The following DSTYK variants were observed in gnomAD, a reference collection of about 807,000 sequenced individuals.
DSTYK encodes the protein dual serine/threonine and tyrosine protein kinase.
In DSTYK, 34 loss-of-function variants were observed where a neutral mutation model predicts 98.7. The ratio of observed to expected loss-of-function variants is 0.34; its 90% CI spans 0.26 to 0.46. DSTYK has a LOEUF of 0.46. Ranked by LOEUF, DSTYK falls within the 20% of genes least tolerant of loss-of-function variation. The pLI is 1.00. For missense variants in DSTYK, 962 were observed against 1,181.7 expected, an observed-to-expected ratio of 0.81 and a Z score of 2.73; for synonymous variants, 462 against 457.3, an observed-to-expected ratio of 1.01 and a Z score of -0.13.
rs771282186 is a variant in DSTYK, at chr1:205,169,301, T to C, written c.1186A>G (p.Lys396Glu). 3.7e-6 allele frequency: 6 copies of C among 1,614,094 alleles called. No homozygotes were observed. The highest frequency in any genetic ancestry group is 1.6e-4 in the Middle Eastern group (1 of 6,084). Residue 396 changes from lysine (K) to glutamate (E), a missense_variant, in exon 3 of 13, where the codon AAA becomes GAA. By Grantham distance (56) the Lys-to-Glu change is moderately conservative. Around this residue, in one of 4 missense-constraint regions of DSTYK, gnomAD observed 660 missense variants for 855.0 expected, o/e 0.77. Coordinates refer to ENST00000367162, the MANE Select transcript of DSTYK (RefSeq NM_015375.3). This position sits in a 1 kb window ranked among gnomAD's most constrained non-coding sequence, Gnocchi z 4.0. Reference sequence around the variant, plus strand: ...GATTCATACAACTCATTCTCCTTTTTTCGAGTATATTCCAGACGTTTGGGA... The same window carrying C: ...GATTCATACAACTCATTCTCCTTTTCTCGAGTATATTCCAGACGTTTGGGA... ...ITPKRLEYTR[K>E]KENELYESLM...
At chr1:205,171,717 A>G (rs1658071360) in intron 2 of DSTYK, among the ~76,000 whole-genome samples, 1 of 152,090 alleles carries the variant, frequency 6.6e-6, no homozygotes, top group Non-Finnish European at 1.5e-5. Context: ...ATATATTACC[A>G]CTGTAGGTAC....
In DSTYK at chr1:205,187,775, C is replaced by T. The variant is rs1281458698; in HGVS notation, c.297G>A (p.Lys99=). 4 of 1,613,640 alleles carry T rather than the reference C, an allele frequency of 2.5e-6. No individual in the cohort carries two copies. The highest frequency in any genetic ancestry group is 4.5e-5 in the East Asian group (2 of 44,884). ...GQLSCISFPP[K]EEKYLQQIVD... Reference sequence around the variant, plus strand: ...CAATCTGCTGGAGGTACTTCTCTTCCTTAGGTGGGAAGGAAATGCAGCTCA... The same window carrying T: ...CAATCTGCTGGAGGTACTTCTCTTCTTTAGGTGGGAAGGAAATGCAGCTCA... The change falls in exon 2 of 13, where the codon AAG becomes AAA. Residue 99 remains lysine (K), a synonymous_variant. Transcript: ENST00000367162.
chr1:205,165,747 T>C (rs569736265), intron 3 of DSTYK, among the ~76,000 whole-genome samples: 1 of 152,326 alleles, frequency 6.6e-6, no homozygotes, highest in Admixed American at 6.5e-5. Context: ...TGTACAATGA[T>C]GATTAATGCA....
intron 2 of DSTYK, among the ~76,000 whole-genome samples, chr1:205,172,107 C>T (rs953665979): frequency 2.6e-5 from 4 of 152,186 alleles, no homozygotes; most frequent in African/African-American, 7.2e-5. Flanking sequence ...CAGGCACGCA[C>T]CACCACGCCC....
intron 1 of DSTYK, among the ~76,000 whole-genome samples, chr1:205,191,233 GCT>G (rs1658704643): frequency 3.3e-5 from 5 of 152,184 alleles, no homozygotes. Context: ...CACTATCCAA[GCT>G]CTTTGCTTCT....
chr1:205,162,069 A>C lies in DSTYK; in HGVS notation c.1785T>G (p.Ser595Arg). 6.2e-7 allele frequency: 1 copy of C among 1,614,086 alleles called. No homozygotes were observed. Among genetic ancestry groups the C allele is most frequent in the African/African-American group, 1.3e-5 (1 of 75,048 alleles). Reference sequence around the variant, plus strand: ...AGGAGGCTGCAAAAGCCTCGTGGGAACTATTGAGCCGAGTCCGGAATTGGC... The same window carrying C: ...AGGAGGCTGCAAAAGCCTCGTGGGACCTATTGAGCCGAGTCCGGAATTGGC... ...ICSQFRTRLN[S>R]SHEAFAASLR... The change falls in exon 6 of 13, where the codon AGT becomes AGG. Residue 595 changes from serine (S) to arginine (R), a missense_variant. Transcript: ENST00000367162.
chr1:205,145,973 A>C lies in DSTYK; in HGVS notation c.*1585T>G, dbSNP rs1207251113. On this transcript the variant is annotated 3_prime_UTR_variant, in exon 13 of 13. Transcript: ENST00000367162. ...CTTTCCTCAAGCACACTTCATGAGG[A>C]ACCCTCCAAAAGACCACCCACCCGC... The C allele has an allele frequency of 6.6e-6, 1 of 152,090 alleles. No individual in the cohort carries two copies. The highest frequency in any genetic ancestry group is 6.6e-5 in the Admixed American group (1 of 15,266). The allele number at this position is 152,090 out of a possible 1,614,324, so 9.4% of individuals were successfully genotyped here. A position where few individuals can be genotyped will look rare whatever the true frequency, so the allele number is the denominator to read the frequency against.
In DSTYK at chr1:205,163,906, T is replaced by C. The variant is rs780304861; in HGVS notation, c.1374A>G (p.Lys458=). 6.8e-6 allele frequency: 11 copies of C among 1,614,168 alleles called. No individual in the cohort carries two copies. In the Admixed American group the frequency reaches 1.8e-4, roughly 27 times the overall value. ...NGEPVGTREI[K]CCIRQIQELI... Reference sequence around the variant, plus strand: ...GTTCCTGGATCTGTCGGATGCAGCATTTGATCTCTCTGGTGCCTACTGGTT... The same window carrying C: ...GTTCCTGGATCTGTCGGATGCAGCACTTGATCTCTCTGGTGCCTACTGGTT... The change falls in exon 4 of 13, where the codon AAA becomes AAG. Residue 458 remains lysine (K), a synonymous_variant. Transcript: ENST00000367162.
intron 2 of DSTYK, among the ~76,000 whole-genome samples, chr1:205,172,301 GTTT>G (rs111451734): frequency 1.4e-5 from 2 of 140,746 alleles, no homozygotes. Context: ...TTTGTTTGTG[GTTT>G]TTTTTTTTTT....
At chr1:205,177,036 T>C (rs1363311622) in intron 2 of DSTYK, among the ~76,000 whole-genome samples, 2 of 151,466 alleles carry the variant, frequency 1.3e-5, no homozygotes, top group East Asian at 3.9e-4. Context: ...CGAGACTCCA[T>C]CTCTACAAAA....
In DSTYK at chr1:205,146,259, T is replaced by G. The variant is rs908071681; in HGVS notation, c.*1299A>C. The stretch of plus-strand genomic sequence containing the variant: ...GTGTTAAGTTTTAAAAACAAGCTGG[T>G]TTTCTTCCAGTATGTTTGTACATAG... On this transcript the variant is annotated 3_prime_UTR_variant, in exon 13 of 13. Coordinates refer to ENST00000367162, the MANE Select transcript of DSTYK (RefSeq NM_015375.3). 3.9e-5 allele frequency: 6 copies of G among 152,124 alleles called. No individual in the cohort carries two copies. The highest frequency in any genetic ancestry group is 8.8e-5 in the Non-Finnish European group (6 of 68,034). The allele number at this position is 152,124 out of a possible 1,614,324, so 9.4% of individuals were successfully genotyped here. A position where few individuals can be genotyped will look rare whatever the true frequency, so the allele number is the denominator to read the frequency against.
chr1:205,155,828 C>T (rs1657542654), intron 10 of DSTYK, among the ~76,000 whole-genome samples: 1 of 152,206 alleles, frequency 6.6e-6, no homozygotes, highest in Admixed American at 6.5e-5. Context: ...AGCAGCCCCT[C>T]CTATGACAGG....
In DSTYK at chr1:205,169,469, G is replaced by A. The variant is rs1657987496; in HGVS notation, c.1018C>T (p.Leu340=). ...TGAGAAAATGTGCTCAAGTGTCTCAGCTTTTCACTCTGTTCCACCAACATG... is the reference window on the plus strand; with the variant it reads ...TGAGAAAATGTGCTCAAGTGTCTCAACTTTTCACTCTGTTCCACCAACATG... ...QSMLVEQSEK[L]RHLSTFSHQV... The change falls in exon 3 of 13, where the codon CTG becomes TTG. Residue 340 remains leucine (L), a synonymous_variant. Coordinates refer to ENST00000367162, the MANE Select transcript of DSTYK (RefSeq NM_015375.3). The surrounding 1 kb of genome is among the most constrained non-coding windows in gnomAD (Gnocchi z 4.0). 1 of 1,614,154 alleles carries A rather than the reference G, an allele frequency of 6.2e-7. No homozygotes were observed. The highest frequency in any genetic ancestry group is 8.5e-7 in the Non-Finnish European group (1 of 1,180,034).
At chr1:205,178,605 C>T (rs1658302673) in intron 2 of DSTYK, among the ~76,000 whole-genome samples, 1 of 152,116 alleles carries the variant, frequency 6.6e-6, no homozygotes, top group African/African-American at 2.4e-5. Context: ...AACGTTCTCT[C>T]TAATAAGAGT....
At chr1:205,184,801 T>C (rs999678227) in intron 2 of DSTYK, among the ~76,000 whole-genome samples, 1 of 151,918 alleles carries the variant, frequency 6.6e-6, no homozygotes, top group Non-Finnish European at 1.5e-5. Flanking sequence ...CCCAGGCTGG[T>C]GTTGAACATT....
intron 1 of DSTYK, among the ~76,000 whole-genome samples, chr1:205,200,406 G>A (rs970075631): frequency 2.6e-5 from 4 of 151,858 alleles, no homozygotes; most frequent in South Asian, 4.2e-4. Context: ...ACTCCTCACC[G>A]CAGGTGATCT....
At chr1:205,207,241 G>C (rs1414297490) in intron 1 of DSTYK, among the ~76,000 whole-genome samples, 1 of 151,482 alleles carries the variant, frequency 6.6e-6, no homozygotes. Context: ...ATCATGCCTG[G>C]CTATTTTTTG....
At chr1:205,160,834 G>A (rs1182375394) in intron 7 of DSTYK, among the ~76,000 whole-genome samples, 1 of 151,706 alleles carries the variant, frequency 6.6e-6, no homozygotes, top group Non-Finnish European at 1.5e-5. Flanking sequence ...CCAGGCTGCA[G>A]TGCAGTGGTA....
At chr1:205,185,254 G>C (rs192094723) in intron 2 of DSTYK, among the ~76,000 whole-genome samples, 138 of 152,206 alleles carry the variant, frequency 9.1e-4, no homozygotes, top group Admixed American at 3.6e-3. Context: ...GGGACTAAGA[G>C]AAAAAAGTCA....
Sources: allele counts gnomAD v4.1 joint callset (sites outside exome capture counted in the v4.1 genomes callset), GRCh38; gene constraint gnomAD v4.1.1; regional missense constraint gnomAD v4.1.1; non-coding constraint Gnocchi (gnomAD v3.1); transcripts MANE v1.5; gene names NCBI Gene and HGNC (gene_info 2026-07-23, HGNC 2026-07-21).